The following ACSF3 variants were observed in gnomAD, a reference collection of about 807,000 sequenced individuals.
ACSF3 encodes the protein malonate--CoA ligase ACSF3, mitochondrial.
ACSF3 carries 78 observed loss-of-function variants against 53.2 expected under a neutral mutation model. The ratio of observed to expected loss-of-function variants is 1.47; its 90% confidence interval spans 1.22 to 1.77. The LOEUF (loss-of-function observed/expected upper bound fraction) is 1.77, where lower values mean the gene tolerates loss of function less well. ACSF3 is among the 40% of genes most tolerant of loss of function. The pLI, the probability that ACSF3 is intolerant of heterozygous loss-of-function variation, is 0.00. For missense variants in ACSF3, 937 were observed against 771.1 expected, an observed-to-expected ratio of 1.22 and a Z score of -2.55; for synonymous variants, 414 against 333.1, an observed-to-expected ratio of 1.24 and a Z score of -2.65.
chr16:89,115,829 A>G (rs1305749837), intron 6 of ACSF3, among the ~76,000 whole-genome samples: 2 of 152,150 alleles, frequency 1.3e-5, no homozygotes, highest in Non-Finnish European at 2.9e-5. Context: ...TGTTCGTGTC[A>G]TTCCGTTTTC....
intron 4 of ACSF3, among the ~76,000 whole-genome samples, chr16:89,105,055 G>C (rs964882019): frequency 6.6e-6 from 1 of 150,940 alleles, no homozygotes; most frequent in Admixed American, 6.6e-5. Flanking sequence ...CGTCGCCAGG[G>C]TCACCTCCTG....
intron 8 of ACSF3, among the ~76,000 whole-genome samples, chr16:89,134,206 G>C (rs541389085): frequency 6.6e-6 from 1 of 152,210 alleles, no homozygotes; most frequent in African/African-American, 2.4e-5. Context: ...GGTGGCAAGC[G>C]TCGTGTTCTC....
intron 2 of ACSF3, 180 bp from the exon 3 acceptor site, chr16:89,100,482 G>A (rs1400818383): frequency 1.4e-5 from 9 of 628,934 alleles, no homozygotes; most frequent in South Asian, 1.9e-5. Context: ...GGGCACGTAC[G>A]GAACGTTCCA....
At chr16:89,128,271 T>C (rs7197055) in intron 7 of ACSF3, among the ~76,000 whole-genome samples, 107,758 of 149,982 alleles carry the variant, frequency 0.72, 39,681 homozygotes, top group Non-Finnish European at 0.8. Flanking sequence ...TTTCTTTTTT[T>C]TTTTTTGAGA....
At chr16:89,152,046 GTC>G (rs907029105) in intron 10 of ACSF3, 5 of 152,276 alleles carry the variant, frequency 3.3e-5, no homozygotes, top group African/African-American at 9.6e-5. Flanking sequence ...TGATGAGGGA[GTC>G]TCTCAAAAGC....
chr16:89,111,546 G>T (rs907416178), intron 4 of ACSF3, among the ~76,000 whole-genome samples: 10 of 152,266 alleles, frequency 6.6e-5, no homozygotes, highest in African/African-American at 2.4e-4. Flanking sequence ...AAGGAATGCG[G>T]CTCACCAGCT....
chr16:89,147,054 G>C, intron 10 of ACSF3, among the ~76,000 whole-genome samples: 1 of 151,670 alleles, frequency 6.6e-6, no homozygotes, highest in East Asian at 1.9e-4. Context: ...CGTGGCTGGG[G>C]AGGCCTCAGG....
chr16:89,122,044 G>C (rs8062593), intron 7 of ACSF3, among the ~76,000 whole-genome samples: 1 of 123,176 alleles, frequency 8.1e-6, no homozygotes, highest in Non-Finnish European at 1.7e-5. Context: ...CTGTTTCCCC[G>C]TGGAAACCTC....
chr16:89,095,022 G>A (rs1173373751), intron 1 of ACSF3, among the ~76,000 whole-genome samples: 1 of 152,274 alleles, frequency 6.6e-6, no homozygotes, highest in Non-Finnish European at 1.5e-5. Context: ...CATAGTTGTT[G>A]CTTTCCCATC....
rs764393364 is a variant in ACSF3, at chr16:89,100,764, G to A, written c.83G>A (p.Gly28Glu). The A allele has an allele frequency of 4.3e-6, 7 of 1,609,202 alleles. No homozygotes were observed. The highest frequency in any genetic ancestry group is 3.3e-5 in the Admixed American group (2 of 59,986). The change falls in exon 3 of 11, where the codon GGA becomes GAA. Residue 28 changes from glycine to glutamate, a missense_variant. Coordinates refer to ENST00000614302, the MANE Select transcript of ACSF3 (RefSeq NM_001243279.3). ...SCRLAPARHRGSGLLHTAPVA... is the reference protein window; with the variant it reads ...SCRLAPARHRESGLLHTAPVA... ...CGGCTGGCGCCTGCGAGACACAGAGGAAGTGGTCTTCTGCACACAGCCCCA... is the reference window on the plus strand; with the variant it reads ...CGGCTGGCGCCTGCGAGACACAGAGAAAGTGGTCTTCTGCACACAGCCCCA...
At chr16:89,141,106 T>G in intron 8 of ACSF3, 1 of 1,287,028 alleles carries the variant, frequency 7.8e-7, no homozygotes, top group Non-Finnish European at 1.0e-6. Flanking sequence ...ACCTTCTGAG[T>G]CGCCCTCGCT....
chr16:89,141,189 C>T lies in ACSF3; in HGVS notation c.1367-4078C>T, dbSNP rs570826722. 9.1e-4 allele frequency: 1,177 copies of T among 1,287,222 alleles called. 2 individuals are homozygous for T. Among genetic ancestry groups the T allele is most frequent in the Middle Eastern group, 3.3e-3 (10 of 3,064 alleles). The allele number at this position is 1,287,222 out of a possible 1,614,324, so 79.7% of individuals were successfully genotyped here. A position where few individuals can be genotyped will look rare whatever the true frequency, so the allele number is the denominator to read the frequency against. The stretch of plus-strand genomic sequence containing the variant: ...TGAGACTTTGTTTAAACCCTGGCTC[C>T]GATGCCTCTGAGCCCTTGATAGCAG... On this transcript the variant is annotated intron_variant, in intron 8 of 10. Coordinates refer to ENST00000614302, the MANE Select transcript of ACSF3 (RefSeq NM_001243279.3).
rs572357895 is a variant in ACSF3 at position 89,100,746 on chromosome 16, C to T, written c.65C>T (p.Ala22Val). 1.1e-5 allele frequency: 18 copies of T among 1,606,076 alleles called. No individual in the cohort carries two copies. The highest frequency in any genetic ancestry group is 1.1e-4 in the African/African-American group (8 of 75,036). The change falls in exon 3 of 11, where the codon GCG becomes GTG. Residue 22 changes from alanine (A) to valine (V), a missense_variant. Physicochemically the swap from Ala to Val is moderately conservative, Grantham distance 64. Coordinates refer to ENST00000614302, the MANE Select transcript of ACSF3 (RefSeq NM_001243279.3). ...LGCALASCRL[A>V]PARHRGSGLL... ...TGCGCCTTGGCGTCCTGCCGGCTGG[C>T]GCCTGCGAGACACAGAGGAAGTGGT...
At chr16:89,122,318 T>C in intron 7 of ACSF3, 2 of 362,194 alleles carry the variant, frequency 5.5e-6, no homozygotes, top group Non-Finnish European at 1.1e-5. Flanking sequence ...GGCAACTTGC[T>C]GAAACCCACC....
chr16:89,140,963 C>A, intron 8 of ACSF3: 2 of 862,630 alleles, frequency 2.3e-6, no homozygotes, highest in Non-Finnish European at 3.2e-6. Flanking sequence ...AGGACATACA[C>A]AGCCCATTGG....
chr16:89,130,021 A>G (rs973131585), intron 7 of ACSF3, among the ~76,000 whole-genome samples: 2 of 152,242 alleles, frequency 1.3e-5, no homozygotes, highest in East Asian at 1.9e-4. Context: ...TTGAGAAGAA[A>G]GGAACTCAAC....
At chr16:89,125,617 G>A (rs977040223) in intron 7 of ACSF3, among the ~76,000 whole-genome samples, 7 of 152,102 alleles carry the variant, frequency 4.6e-5, no homozygotes, top group Middle Eastern at 3.4e-3. Flanking sequence ...TTTGAGCCTG[G>A]GAGGTGGAGG....
At chr16:89,140,920 G>A in intron 8 of ACSF3, 1 of 453,868 alleles carries the variant, frequency 2.2e-6, no homozygotes, top group Non-Finnish European at 3.6e-6. Context: ...GTATCTGTCA[G>A]AAGAAAACTC....
intron 1 of ACSF3, among the ~76,000 whole-genome samples, chr16:89,097,912 G>A (rs1974811638): frequency 6.6e-6 from 1 of 152,178 alleles, no homozygotes; most frequent in African/African-American, 2.4e-5. Flanking sequence ...GGCCCTGCGT[G>A]GCTCGTTTTC....
Sources: allele counts gnomAD v4.1 joint callset (sites outside exome capture counted in the v4.1 genomes callset), GRCh38; gene constraint gnomAD v4.1.1; transcripts MANE v1.5; gene names NCBI Gene and HGNC (gene_info 2026-07-23, HGNC 2026-07-21).